PHLPP1: variants seen among roughly 807,000 people sequenced by gnomAD.
PHLPP1 encodes PH domain leucine-rich repeat-containing protein phosphatase 1.
In PHLPP1, 42 loss-of-function variants were observed where a neutral mutation model predicts 117.2. That is an observed-to-expected ratio of 0.36 (90% CI 0.28 to 0.46). The LOEUF is 0.46. PHLPP1 is among the 20% of genes least tolerant of loss of function. PHLPP1 has a pLI of 1.00. For synonymous variants in PHLPP1, 1,042 were observed against 970.7 expected (o/e 1.07, Z -1.37); for missense variants, 2,084 against 2,241.9 (o/e 0.93, Z 1.42).
chr18:62,897,539 G>T (rs1234447931), intron 6 of PHLPP1, among the ~76,000 whole-genome samples: 1 of 152,052 alleles, frequency 6.6e-6, no homozygotes, highest in Non-Finnish European at 1.5e-5. Flanking sequence ...TAGAGTATCT[G>T]TCTGTCGCCC....
At chr18:62,963,553 T>C in intron 14 of PHLPP1, 81 bp downstream of exon 14, 1 of 852,020 alleles carries the variant, frequency 1.2e-6, no homozygotes, top group Non-Finnish European at 1.9e-6. Context: ...AACTCAGTGC[T>C]GTAGCACACA....
intron 4 of PHLPP1, among the ~76,000 whole-genome samples, chr18:62,894,424 T>A (rs1916502922): frequency 1.3e-5 from 2 of 152,258 alleles, no homozygotes; most frequent in South Asian, 4.1e-4. Flanking sequence ...CCCAAACTTC[T>A]GGCCTCAAGT....
At chr18:62,743,367 G>C (rs1443215275) in intron 1 of PHLPP1, among the ~76,000 whole-genome samples, 1 of 150,764 alleles carries the variant, frequency 6.6e-6, no homozygotes, top group Non-Finnish European at 1.5e-5. Context: ...ATAATGTAAT[G>C]AACTCTCACG....
intron 1 of PHLPP1, among the ~76,000 whole-genome samples, chr18:62,725,017 T>G (rs574644078): frequency 6.6e-6 from 1 of 152,216 alleles, no homozygotes; most frequent in East Asian, 1.9e-4. Context: ...AAAAAATAAT[T>G]TGGGAGAAAA....
At chr18:62,797,987 A>G (rs1913673833) in intron 1 of PHLPP1, among the ~76,000 whole-genome samples, 1 of 152,250 alleles carries the variant, frequency 6.6e-6, no homozygotes, top group Admixed American at 6.5e-5. Flanking sequence ...TGGAAAGGAA[A>G]GAATTAAAAT....
chr18:62,864,070 G>T (rs1915705456), intron 4 of PHLPP1, among the ~76,000 whole-genome samples: 2 of 151,726 alleles, frequency 1.3e-5, no homozygotes, highest in Admixed American at 1.3e-4. Context: ...TGCCCAGACT[G>T]GAGTGCAGTG....
chr18:62,915,729 T>G (rs142662082), intron 9 of PHLPP1, among the ~76,000 whole-genome samples: 4 of 152,308 alleles, frequency 2.6e-5, no homozygotes, highest in Non-Finnish European at 5.9e-5. Flanking sequence ...CTGTAGAACT[T>G]TCTGTGATGA....
At chr18:62,739,828 G>T (rs753912764) in intron 1 of PHLPP1, among the ~76,000 whole-genome samples, 2 of 152,144 alleles carry the variant, frequency 1.3e-5, no homozygotes, top group African/African-American at 4.8e-5. Flanking sequence ...TAGTGAATTA[G>T]AAGGTAAAGA....
At chr18:62,836,468 TAA>T (rs1568132841) in intron 2 of PHLPP1, among the ~76,000 whole-genome samples, 2 of 144,434 alleles carry the variant, frequency 1.4e-5, no homozygotes, top group African/African-American at 5.3e-5. Context: ...AATAAATAAA[TAA>T]ATAAATAAAT....
intron 8 of PHLPP1, among the ~76,000 whole-genome samples, chr18:62,914,579 G>T (rs1001123930): frequency 6.6e-6 from 1 of 152,120 alleles, no homozygotes; most frequent in African/African-American, 2.4e-5. Context: ...TGGGACTATA[G>T]GTGCATGCCA....
chr18:62,718,893 A>G (rs968179168), intron 1 of PHLPP1, among the ~76,000 whole-genome samples: 1 of 152,238 alleles, frequency 6.6e-6, no homozygotes, highest in Non-Finnish European at 1.5e-5. Context: ...TTTGGGTGTC[A>G]CAGTTAACAA....
chr18:62,888,297 G>A (rs1916330435), intron 4 of PHLPP1, among the ~76,000 whole-genome samples: 1 of 138,786 alleles, frequency 7.2e-6, no homozygotes, highest in Admixed American at 7.1e-5. Flanking sequence ...ATGTGTGTGT[G>A]TGTGTGTGTG....
intron 1 of PHLPP1, among the ~76,000 whole-genome samples, chr18:62,747,995 A>G (rs1280282992): frequency 2.0e-5 from 3 of 152,092 alleles, no homozygotes; most frequent in African/African-American, 2.4e-5. Context: ...ATCTGGTATA[A>G]TTGTTCCATG....
At chr18:62,724,287 G>A (rs1335453688) in intron 1 of PHLPP1, among the ~76,000 whole-genome samples, 1 of 152,214 alleles carries the variant, frequency 6.6e-6, no homozygotes, top group Non-Finnish European at 1.5e-5. Context: ...TCTAATAACT[G>A]TATTAGAGGG....
At chr18:62,829,051 G>A (rs1284645830) in intron 1 of PHLPP1, among the ~76,000 whole-genome samples, 4 of 152,068 alleles carry the variant, frequency 2.6e-5, no homozygotes, top group Admixed American at 2.6e-4. Flanking sequence ...TTTCCATTTG[G>A]GAAGTGAAGA....
Position 62,895,006 on chromosome 18 carries a change from AAT to A in PHLPP1, c.2067-3_2067-2del. 1 of 1,596,320 alleles carries A rather than the reference AAT, an allele frequency of 6.3e-7. No homozygotes were observed. Among genetic ancestry groups the A allele is most frequent in the South Asian group, 1.1e-5 (1 of 89,122 alleles). On this transcript the variant is annotated splice_region_variant and splice_polypyrimidine_tract_variant and intron_variant, in intron 4 of 16. Coordinates refer to ENST00000262719, the MANE Select transcript of PHLPP1 (RefSeq NM_194449.4). ...TTTCCCTTTTGTTTTGCTTTATTGT[AAT>A]AGGTTCACCAAGTTGAAGAGTCTTA...
At chr18:62,724,596 C>A (rs772407603) in intron 1 of PHLPP1, among the ~76,000 whole-genome samples, 1 of 152,072 alleles carries the variant, frequency 6.6e-6, no homozygotes, top group Non-Finnish European at 1.5e-5. Flanking sequence ...GTCCAGTGTT[C>A]TTTTTTTCCC....
At chr18:62,884,942 G>C (rs924259194) in intron 4 of PHLPP1, among the ~76,000 whole-genome samples, 7 of 152,128 alleles carry the variant, frequency 4.6e-5, no homozygotes, top group African/African-American at 1.7e-4. Flanking sequence ...AATTACTCAA[G>C]ACTTAGATAT....
chr18:62,977,447 A>C (rs951975911), intron 16 of PHLPP1, among the ~76,000 whole-genome samples: 3 of 150,132 alleles, frequency 2.0e-5, no homozygotes, highest in Non-Finnish European at 2.9e-5. Flanking sequence ...AAAAAAAAAA[A>C]AAAAAACCCA....
Sources: allele counts gnomAD v4.1 joint callset (sites outside exome capture counted in the v4.1 genomes callset), GRCh38; gene constraint gnomAD v4.1.1; transcripts MANE v1.5; gene names NCBI Gene and HGNC (gene_info 2026-07-23, HGNC 2026-07-21).